Variants in MYOM1 observed in about 807,000 individuals in gnomAD.
MYOM1 encodes myomesin 1.
In MYOM1, 164 loss-of-function variants were observed where a neutral mutation model predicts 205.3. The observed-to-expected ratio is 0.80, with a 90% CI of 0.70 to 0.91. The LOEUF (loss-of-function observed/expected upper bound fraction) is 0.91, where lower values mean the gene tolerates loss of function less well. Ranked by LOEUF, MYOM1 falls within the 40% of genes least tolerant of loss-of-function variation. The pLI, the probability that MYOM1 is intolerant of heterozygous loss-of-function variation, is 0.00. For missense variants in MYOM1, 2,011 were observed against 2,127.3 expected (o/e 0.95, Z 1.08); for synonymous variants, 772 against 789.4 (o/e 0.98, Z 0.37).
At chr18:3,172,627 A>G (rs1012952526) in intron 8 of MYOM1, among the ~76,000 whole-genome samples, 4 of 151,996 alleles carry the variant, frequency 2.6e-5, no homozygotes, top group African/African-American at 9.7e-5. Flanking sequence ...CTCCTGCCTC[A>G]GCCTCCTGAG....
chr18:3,176,221 A>C, intron 5 of MYOM1, 87 bp from the exon 6 acceptor site: 1 of 746,482 alleles, frequency 1.3e-6, no homozygotes. Context: ...TTCTTGCAGG[A>C]ACATCTGTAA....
intron 37 of MYOM1, among the ~76,000 whole-genome samples, chr18:3,068,928 T>C (rs994644232): frequency 2.0e-5 from 3 of 152,106 alleles, no homozygotes; most frequent in African/African-American, 7.3e-5. Flanking sequence ...CATTTTTTCT[T>C]TATTTTTTTT....
chr18:3,216,666 G>T (rs1160034117), intron 1 of MYOM1, among the ~76,000 whole-genome samples: 2 of 152,196 alleles, frequency 1.3e-5, no homozygotes, highest in African/African-American at 4.8e-5. Context: ...CTATGTGCCT[G>T]GTGGAAGGGC....
chr18:3,078,302 A>G (rs1359305425), intron 34 of MYOM1, among the ~76,000 whole-genome samples: 1 of 152,200 alleles, frequency 6.6e-6, no homozygotes, highest in Non-Finnish European at 1.5e-5. Context: ...TCAGCCTCCC[A>G]AAGCGCTAGG....
At chr18:3,164,613 A>T (rs2080442811) in intron 9 of MYOM1, among the ~76,000 whole-genome samples, 174 bp from the exon 10 acceptor site, 1 of 152,206 alleles carries the variant, frequency 6.6e-6, no homozygotes, top group African/African-American at 2.4e-5. Context: ...AAAATACTGG[A>T]CCAAAAGTAA....
chr18:3,150,556 A>G (rs1376688077), intron 12 of MYOM1, among the ~76,000 whole-genome samples: 3 of 151,754 alleles, frequency 2.0e-5, no homozygotes, highest in African/African-American at 7.3e-5. Context: ...GCCTCCTGCA[A>G]TGAACAGAAC....
At chr18:3,069,171 G>A (rs556221700) in intron 37 of MYOM1, among the ~76,000 whole-genome samples, 5 of 152,130 alleles carry the variant, frequency 3.3e-5, no homozygotes, top group East Asian at 1.9e-4. Context: ...CAAGTGATTC[G>A]GTTTCTCCAC....
chr18:3,133,323 G>T (rs183530552), intron 16 of MYOM1, among the ~76,000 whole-genome samples: 1 of 152,062 alleles, frequency 6.6e-6, no homozygotes, highest in South Asian at 2.1e-4. Context: ...AGAAGCTGCC[G>T]AACGAGTCTA....
chr18:3,110,886 A>G (rs2079516582), intron 22 of MYOM1, among the ~76,000 whole-genome samples: 1 of 151,330 alleles, frequency 6.6e-6, no homozygotes, highest in Non-Finnish European at 1.5e-5. Flanking sequence ...CAAGATTGAA[A>G]ACTACGGTTC....
the MYOM1 span, among the ~76,000 whole-genome samples, chr18:3,241,738 G>C: frequency 6.6e-6 from 1 of 152,234 alleles, no homozygotes; most frequent in East Asian, 1.9e-4. Context: ...TGCCTGGAAA[G>C]CAACAGACAC....
intron 14 of MYOM1, among the ~76,000 whole-genome samples, chr18:3,139,963 A>G (rs2080024927): frequency 6.6e-6 from 1 of 152,216 alleles, no homozygotes; most frequent in African/African-American, 2.4e-5. Context: ...CCCTTATTAT[A>G]GGAAAGATGG....
At position 3,135,624 on chromosome 18, in the gene MYOM1, C is replaced by T. The variant is rs548747720; in HGVS notation, c.2132G>A (p.Arg711His). 225 of 1,613,894 alleles carry T rather than the reference C, an allele frequency of 1.4e-4. No individual in the cohort carries two copies. The highest frequency in any genetic ancestry group is 4.9e-4 in the Middle Eastern group (3 of 6,062). ...TCCTGCAGAATTAGAACAGCGGACA[C>T]GGAAACAGTAGGATTTCCCCTCGGC... ...DLAEGKSYCF[R>H]VRCSNSAGVG... Residue 711 changes from arginine to histidine, a missense_variant, in exon 15 of 38, where the codon CGT becomes CAT. Physicochemically the swap from Arg to His is conservative, Grantham distance 29. Coordinates refer to ENST00000356443, the MANE Select transcript of MYOM1 (RefSeq NM_003803.4). The surrounding 1 kb of genome is among the most constrained non-coding windows in gnomAD (Gnocchi z 4.1).
At chr18:3,234,510 T>C in the MYOM1 span, among the ~76,000 whole-genome samples, 1 of 152,136 alleles carries the variant, frequency 6.6e-6, no homozygotes, top group East Asian at 1.9e-4. Flanking sequence ...TCAGGAATTA[T>C]AGGAGGTAAG....
chr18:3,087,661 TGTATTTTTA>T, intron 29 of MYOM1, among the ~76,000 whole-genome samples: 1 of 152,200 alleles, frequency 6.6e-6, no homozygotes, highest in Admixed American at 6.5e-5. Flanking sequence ...AGCTAATTTT[TGTATTTTTA>T]GTAGAGACGG....
intron 25 of MYOM1, 53 bp from the exon 26 acceptor site, chr18:3,094,359 G>GT: frequency 6.5e-6 from 8 of 1,224,132 alleles, no homozygotes; most frequent in Non-Finnish European, 8.9e-6. Flanking sequence ...AATTATATTG[G>GT]TACTCATTTT....
chr18:3,228,629 AAATT>A, the MYOM1 span, among the ~76,000 whole-genome samples: 1 of 152,178 alleles, frequency 6.6e-6, no homozygotes, highest in Non-Finnish European at 1.5e-5. The surrounding 1 kb of genome is among the most constrained non-coding windows in gnomAD (Gnocchi z 4.5). Flanking sequence ...GACACACCAT[AAATT>A]AATCCATTTT....
intron 9 of MYOM1, 139 bp downstream of exon 9, chr18:3,168,678 A>C: frequency 2.8e-6 from 2 of 713,874 alleles, no homozygotes; most frequent in Non-Finnish European, 2.2e-6. Context: ...CTACTTTGCT[A>C]CACATGTGAA....
At chr18:3,073,939 T>A (rs1050099394) in intron 36 of MYOM1, among the ~76,000 whole-genome samples, 5 of 152,182 alleles carry the variant, frequency 3.3e-5, no homozygotes, top group African/African-American at 1.2e-4. Flanking sequence ...CATGTCTAAT[T>A]TTTCCTGGTT....
At chr18:3,123,890 CAGCTCACTGCA>C (rs1352720570) in intron 19 of MYOM1, among the ~76,000 whole-genome samples, 5 of 150,524 alleles carry the variant, frequency 3.3e-5, no homozygotes, top group Non-Finnish European at 7.4e-5. Context: ...GGTGTGATCT[CAGCTCACTGCA>C]ACCTCCACCT....
Sources: gnomAD v4.1 joint callset for allele counts (sites outside exome capture counted in the v4.1 genomes callset) on GRCh38, gnomAD v4.1.1 for gene constraint, Gnocchi (gnomAD v3.1) non-coding constraint, MANE v1.5 for transcripts, NCBI Gene and HGNC (gene_info 2026-07-23, HGNC 2026-07-21) for gene names.